ROBO2: variants seen among roughly 807,000 people sequenced by gnomAD.
The protein encoded by ROBO2 is roundabout guidance receptor 2, also known as roundabout homolog 2.
In ROBO2, 53 loss-of-function variants were observed where a neutral mutation model predicts 160.8. The ratio of observed to expected loss-of-function variants is 0.33; its 90% CI spans 0.26 to 0.41. The LOEUF (loss-of-function observed/expected upper bound fraction) is 0.41. ROBO2 is among the 10% of genes least tolerant of loss of function. The pLI, the probability that ROBO2 is intolerant of heterozygous loss-of-function variation, is 1.00. For synonymous variants in ROBO2, 664 were observed against 611.7 expected, an observed-to-expected ratio of 1.09 and a Z score of -1.26; for missense variants, 1,577 against 1,722.4, an observed-to-expected ratio of 0.92 and a Z score of 1.49.
chr3:77,217,223 AC>A (rs1299030592), intron 2 of ROBO2, among the ~76,000 whole-genome samples: 1 of 151,470 alleles, frequency 6.6e-6, no homozygotes, highest in Non-Finnish European at 1.5e-5. Flanking sequence ...GCTCACTGCA[AC>A]CTCTGCCTCC....
intron 19 of ROBO2, among the ~76,000 whole-genome samples, chr3:77,597,622 A>T (rs1441589145): frequency 2.0e-5 from 3 of 152,180 alleles, no homozygotes; most frequent in Non-Finnish European, 2.9e-5. Context: ...CCCATGTGGC[A>T]TGTCTACCAA....
intron 2 of ROBO2, among the ~76,000 whole-genome samples, chr3:77,258,918 T>C (rs1293305191): frequency 3.3e-5 from 5 of 152,226 alleles, no homozygotes; most frequent in Admixed American, 2.6e-4. Flanking sequence ...GATTGGATGG[T>C]GCTGGATTCT....
intron 2 of ROBO2, among the ~76,000 whole-genome samples, chr3:77,411,265 AC>A (rs2076778356): frequency 6.6e-6 from 1 of 152,216 alleles, no homozygotes; most frequent in South Asian, 2.1e-4. Flanking sequence ...GTCTTCTCAT[AC>A]ATGCCTGGTG....
chr3:75,939,485 G>A (rs1249185825), intron 2 of ROBO2, among the ~76,000 whole-genome samples: 1 of 152,132 alleles, frequency 6.6e-6, no homozygotes, highest in African/African-American at 2.4e-5. Flanking sequence ...TCTAGCTGTA[G>A]TAAAGCTTCT....
chr3:76,275,594 A>G (rs1407204879), intron 2 of ROBO2, among the ~76,000 whole-genome samples: 3 of 152,166 alleles, frequency 2.0e-5, no homozygotes, highest in South Asian at 4.1e-4. Context: ...TATGATTCTC[A>G]TATTTCCCTA....
At chr3:76,326,671 A>G (rs1270646115) in intron 2 of ROBO2, among the ~76,000 whole-genome samples, 1 of 151,682 alleles carries the variant, frequency 6.6e-6, no homozygotes, top group Non-Finnish European at 1.5e-5. Flanking sequence ...CACATTGTGC[A>G]GGTTAGTTAC....
chr3:77,100,392 G>A (rs756521989), intron 2 of ROBO2, among the ~76,000 whole-genome samples: 8 of 151,890 alleles, frequency 5.3e-5, no homozygotes, highest in East Asian at 1.9e-4. Context: ...CTTTCCATTC[G>A]CTCATCAGTC....
chr3:76,927,664 T>C (rs2077068846), intron 2 of ROBO2, among the ~76,000 whole-genome samples: 1 of 152,222 alleles, frequency 6.6e-6, no homozygotes, highest in Non-Finnish European at 1.5e-5. Flanking sequence ...TTTAAATATA[T>C]GCTTTTTCAA....
At chr3:77,067,671 T>G (rs906626636) in intron 1 of ROBO2, among the ~76,000 whole-genome samples, 2 of 152,182 alleles carry the variant, frequency 1.3e-5, no homozygotes, top group African/African-American at 4.8e-5. Flanking sequence ...TCATAAATTC[T>G]TTGATGAAAG....
At chr3:76,102,822 G>C (rs2069752441) in intron 2 of ROBO2, among the ~76,000 whole-genome samples, 1 of 143,866 alleles carries the variant, frequency 7.0e-6, no homozygotes, top group South Asian at 2.1e-4. Context: ...AATACAAAGA[G>C]ACCTGACTTT....
intron 2 of ROBO2, among the ~76,000 whole-genome samples, chr3:76,132,920 G>C (rs2071283163): frequency 6.6e-6 from 1 of 152,152 alleles, no homozygotes; most frequent in African/African-American, 2.4e-5. Flanking sequence ...AATCACGGAT[G>C]CTGGAGACAG....
At chr3:76,073,120 G>A (rs1170595782) in intron 2 of ROBO2, among the ~76,000 whole-genome samples, 1 of 151,910 alleles carries the variant, frequency 6.6e-6, no homozygotes, top group African/African-American at 2.4e-5. Flanking sequence ...CTTGTATCGT[G>A]GCTGAAATTT....
chr3:77,511,183 CTGG>C (rs1298649711), intron 5 of ROBO2, among the ~76,000 whole-genome samples: 1 of 151,968 alleles, frequency 6.6e-6, no homozygotes, highest in Non-Finnish European at 1.5e-5. Flanking sequence ...AACTTTACAG[CTGG>C]CCACAAATTT....
intron 2 of ROBO2, chr3:77,317,587 A>C: frequency 8.1e-7 from 1 of 1,238,802 alleles, no homozygotes; most frequent in Non-Finnish European, 1.1e-6. Context: ...CAAGATCGGC[A>C]TACGTGGGTG....
intron 2 of ROBO2, among the ~76,000 whole-genome samples, chr3:77,222,273 A>G (rs1306260432): frequency 6.6e-6 from 1 of 152,224 alleles, no homozygotes; most frequent in Non-Finnish European, 1.5e-5. Flanking sequence ...TGCTATAGAA[A>G]TATACTACAT....
intron 2 of ROBO2, among the ~76,000 whole-genome samples, chr3:76,442,879 C>T (rs116523345): frequency 0.011 from 1,602 of 152,188 alleles, 26 homozygotes; most frequent in African/African-American, 0.037. Context: ...TTGTTACTCT[C>T]CACTATGCCT....
chr3:76,472,382 A>C (rs1287071474), intron 2 of ROBO2, among the ~76,000 whole-genome samples: 2 of 152,010 alleles, frequency 1.3e-5, no homozygotes, highest in African/African-American at 2.4e-5. Flanking sequence ...ATTTGAAAAT[A>C]AATAATATTA....
chr3:76,278,405 A>C (rs1708053201), intron 2 of ROBO2, among the ~76,000 whole-genome samples: 1 of 151,956 alleles, frequency 6.6e-6, no homozygotes, highest in East Asian at 1.9e-4. Context: ...TGAATAGGAT[A>C]TTGTTCATGG....
At chr3:76,406,651 T>G (rs987082367) in intron 2 of ROBO2, among the ~76,000 whole-genome samples, 1 of 151,882 alleles carries the variant, frequency 6.6e-6, no homozygotes, top group African/African-American at 2.4e-5. Context: ...ATCCCACTAA[T>G]GGTATTCTGA....
Sources: gnomAD v4.1 joint callset for allele counts (sites outside exome capture counted in the v4.1 genomes callset) on GRCh38, gnomAD v4.1.1 for gene constraint, MANE v1.5 for transcripts, NCBI Gene and HGNC (gene_info 2026-07-23, HGNC 2026-07-21) for gene names.